The following ATP6V1D variants were observed in gnomAD, a reference collection of about 807,000 sequenced individuals.
ATP6V1D encodes V-type proton ATPase subunit D.
In ATP6V1D, 20 loss-of-function variants were observed where a neutral mutation model predicts 39.4. The observed-to-expected ratio is 0.51, with a 90% confidence interval of 0.36 to 0.74. ATP6V1D has a LOEUF of 0.74. ATP6V1D is among the 30% of genes least tolerant of loss of function. The pLI, the probability that ATP6V1D is intolerant of heterozygous loss-of-function variation, is 0.00. For synonymous variants in ATP6V1D, 100 were observed against 100.5 expected, an observed-to-expected ratio of 0.99 and a Z score of 0.03; for missense variants, 228 against 291.6, an observed-to-expected ratio of 0.78 and a Z score of 1.59.
intron 7 of ATP6V1D, among the ~76,000 whole-genome samples, chr14:67,342,033 G>C (rs921642515): frequency 1.4e-4 from 21 of 151,870 alleles, no homozygotes; most frequent in Middle Eastern, 3.4e-3. Context: ...AAGTACCCAC[G>C]GACACAAACA....
chr14:67,344,192 A>T (rs2141097020), intron 6 of ATP6V1D, among the ~76,000 whole-genome samples: 1 of 152,310 alleles, frequency 6.6e-6, no homozygotes, highest in South Asian at 2.1e-4. Flanking sequence ...TGACCTCTGT[A>T]TTGTACTCGC....
At chr14:67,350,756 T>C in intron 2 of ATP6V1D, 66 bp from the exon 3 acceptor site, 1 of 1,418,690 alleles carries the variant, frequency 7.0e-7, no homozygotes, top group African/African-American at 1.4e-5. Context: ...CCATCATAAT[T>C]ATGTTCCTTT....
At chr14:67,348,924 G>T in intron 4 of ATP6V1D, 113 bp downstream of exon 4, 1 of 988,556 alleles carries the variant, frequency 1.0e-6, no homozygotes, top group Non-Finnish European at 1.5e-6. Flanking sequence ...CAATCAACTT[G>T]TTCTAAGTAG....
chr14:67,349,353 G>A (rs895971178), intron 3 of ATP6V1D, among the ~76,000 whole-genome samples: 10 of 152,202 alleles, frequency 6.6e-5, no homozygotes, highest in African/African-American at 9.7e-5. Flanking sequence ...TTTAAAGTTC[G>A]TGGATTGCTT....
intron 3 of ATP6V1D, 121 bp from the exon 4 acceptor site, chr14:67,349,225 T>C: frequency 1.0e-6 from 1 of 962,764 alleles, no homozygotes; most frequent in Non-Finnish European, 1.5e-6. Flanking sequence ...AAGTATGTTT[T>C]GATAACTGTC....
chr14:67,345,001 G>A (rs766927344), intron 6 of ATP6V1D, among the ~76,000 whole-genome samples: 2 of 152,180 alleles, frequency 1.3e-5, no homozygotes, highest in Non-Finnish European at 2.9e-5. Flanking sequence ...CAGCACTTTG[G>A]AAGGATGAGG....
chr14:67,352,892 T>C (rs770773209), intron 2 of ATP6V1D, 31 bp downstream of exon 2: 1 of 1,465,748 alleles, frequency 6.8e-7, no homozygotes, highest in Admixed American at 2.0e-5. Context: ...TTTTCTAAAA[T>C]AAATACTATT....
At chr14:67,341,144 G>A (rs1271038231) in intron 7 of ATP6V1D, among the ~76,000 whole-genome samples, 3 of 152,122 alleles carry the variant, frequency 2.0e-5, no homozygotes, top group Non-Finnish European at 4.4e-5. Flanking sequence ...CATCGTCTGG[G>A]ATGTGAGGAG....
intron 3 of ATP6V1D, among the ~76,000 whole-genome samples, chr14:67,349,372 A>G (rs931043802): frequency 1.3e-5 from 2 of 152,360 alleles, no homozygotes; most frequent in East Asian, 3.9e-4. Flanking sequence ...TTATGTTTTC[A>G]GTCAGAGGTG....
At position 67,338,598 on chromosome 14, in the gene ATP6V1D, T is replaced by C. The variant is rs1423355253; in HGVS notation, c.*23A>G. ...AAAATGAAGCCAGTGTTAGGGTTTC[T>C]CAAAGAACCAGAACAGGAAAGATTA... On this transcript the variant is annotated 3_prime_UTR_variant, in exon 9 of 9. Coordinates refer to ENST00000216442, the MANE Select transcript of ATP6V1D (RefSeq NM_015994.4). 6.2e-7 allele frequency: 1 copy of C among 1,605,580 alleles called. No homozygotes were observed.
chr14:67,357,139 C>T (rs545450998), intron 1 of ATP6V1D, among the ~76,000 whole-genome samples: 59 of 152,298 alleles, frequency 3.9e-4, no homozygotes, highest in African/African-American at 1.3e-3. Context: ...ATTTTTCATG[C>T]GTCTTTTACT....
At chr14:67,352,040 T>C (rs1458506000) in intron 2 of ATP6V1D, among the ~76,000 whole-genome samples, 1 of 151,922 alleles carries the variant, frequency 6.6e-6, no homozygotes, top group African/African-American at 2.4e-5. Flanking sequence ...ATCCCAGTGC[T>C]TTGGAAGGAT....
At chr14:67,353,577 T>G (rs2085668846) in intron 1 of ATP6V1D, 1 of 152,258 alleles carries the variant, frequency 6.6e-6, no homozygotes. Context: ...AACCTCCACC[T>G]CCCAGGTTCA....
rs772713686 is a variant in ATP6V1D at position 67,340,516 on chromosome 14, T to C, written c.526A>G (p.Ile176Val). ...AGAGTACGTTCAATCCGGGGAATGA[T>C]GACTAGAATAAAAAAAAAAATAATA... ...NRRVNAIEHV[I>V]IPRIERTLAY... Residue 176 changes from isoleucine to valine, a missense_variant and splice_region_variant, in exon 8 of 9, where the codon ATC becomes GTC. This residue lies in a region of ATP6V1D where 114 missense variants were observed against 128.3 expected (regional missense o/e 0.89). Transcript: ENST00000216442. 3 of 1,576,912 alleles carry C rather than the reference T, an allele frequency of 1.9e-6. No homozygotes were observed. Among genetic ancestry groups the C allele is most frequent in the East Asian group, 2.3e-5 (1 of 43,610 alleles).
chr14:67,352,900 A>G (rs1052646795), intron 2 of ATP6V1D, 23 bp downstream of exon 2: 14 of 1,517,448 alleles, frequency 9.2e-6, no homozygotes, highest in Non-Finnish European at 1.3e-5. Flanking sequence ...AATAAATACT[A>G]TTCTAAGAAA....
intron 3 of ATP6V1D, among the ~76,000 whole-genome samples, chr14:67,349,783 G>T (rs538887409): frequency 6.6e-6 from 1 of 152,108 alleles, no homozygotes; most frequent in African/African-American, 2.4e-5. Flanking sequence ...ATACACTATT[G>T]ATTGATCTCC....
chr14:67,348,980 A>C, intron 4 of ATP6V1D, 57 bp downstream of exon 4: 1 of 1,534,956 alleles, frequency 6.5e-7, no homozygotes, highest in Non-Finnish European at 9.0e-7. Context: ...AAACAGGTTA[A>C]TTTTAAAATG....
intron 4 of ATP6V1D, among the ~76,000 whole-genome samples, chr14:67,347,674 A>C (rs543585665): frequency 1.1e-4 from 16 of 151,794 alleles, no homozygotes; most frequent in African/African-American, 3.9e-4. Context: ...CTAATTTTGT[A>C]TTTTTAGTAG....
chr14:67,341,958 T>G (rs1457186342), intron 7 of ATP6V1D, among the ~76,000 whole-genome samples: 2 of 151,822 alleles, frequency 1.3e-5, no homozygotes, highest in African/African-American at 4.8e-5. Context: ...GTGCAAGATG[T>G]GCTTTGTTAA....
Sources: gnomAD v4.1 joint callset for allele counts (sites outside exome capture counted in the v4.1 genomes callset) on GRCh38, gnomAD v4.1.1 for gene constraint, gnomAD v4.1.1 regional missense constraint, MANE v1.5 for transcripts, NCBI Gene and HGNC (gene_info 2026-07-23, HGNC 2026-07-21) for gene names.